The following TOPBP1 variants were observed in gnomAD, a reference collection of about 807,000 sequenced individuals.
The protein encoded by TOPBP1 is DNA topoisomerase 2-binding protein 1.
In TOPBP1, 28 loss-of-function variants were observed where a neutral mutation model predicts 167.7. That is an observed-to-expected ratio of 0.17 (90% CI 0.12 to 0.23). TOPBP1 has a LOEUF of 0.23. Among genes scored for constraint, TOPBP1 ranks in the 10% least tolerant of loss-of-function variants. TOPBP1 has a pLI of 1.00. For synonymous variants in TOPBP1, 598 were observed against 611.4 expected (o/e 0.98, Z 0.32); for missense variants, 1,554 against 1,809.6 (o/e 0.86, Z 2.56).
At chr3:133,632,095 G>A (rs145572478) in intron 14 of TOPBP1, among the ~76,000 whole-genome samples, 99 of 152,172 alleles carry the variant, frequency 6.5e-4, no homozygotes, top group African/African-American at 2.2e-3. Flanking sequence ...CTGTGGAACT[G>A]AGTCAATTAA....
chr3:133,656,216 T>C (rs1300767752), intron 5 of TOPBP1, among the ~76,000 whole-genome samples: 1 of 151,988 alleles, frequency 6.6e-6, no homozygotes, highest in South Asian at 2.1e-4. Context: ...TGGGCTCAAT[T>C]AGCATTTATT....
chr3:133,603,871 T>C (rs111961632), intron 27 of TOPBP1, among the ~76,000 whole-genome samples: 2 of 151,908 alleles, frequency 1.3e-5, no homozygotes, highest in Non-Finnish European at 2.9e-5. Context: ...ACCCAACAGC[T>C]GCAGAATATA....
intron 23 of TOPBP1, 74 bp from the exon 24 acceptor site, chr3:133,612,626 G>T (rs991069292): frequency 4.9e-5 from 66 of 1,338,478 alleles, no homozygotes; most frequent in Non-Finnish European, 6.0e-5. Context: ...TCTCAACTAC[G>T]CATAGAAATT....
chr3:133,649,651 A>G lies in TOPBP1; in HGVS notation c.1254-18T>C, dbSNP rs1936214678. 6.2e-7 allele frequency: 1 copy of G among 1,611,714 alleles called. No individual in the cohort carries two copies. On this transcript the variant is annotated intron_variant, in intron 9 of 27. Coordinates refer to ENST00000260810, the MANE Select transcript of TOPBP1 (RefSeq NM_007027.4). The stretch of plus-strand genomic sequence containing the variant: ...CATGAGGCCTACAAAAATAGCACAT[A>G]GTTATGTATTAGTGCAAGCTATAAA...
intron 10 of TOPBP1, among the ~76,000 whole-genome samples, chr3:133,647,415 T>C (rs1271368094): frequency 1.3e-5 from 2 of 152,184 alleles, no homozygotes; most frequent in Non-Finnish European, 2.9e-5. Context: ...TTAGAATTCC[T>C]AGAGTCCTAG....
chr3:133,626,264 T>A (rs569094566), intron 16 of TOPBP1, among the ~76,000 whole-genome samples: 73 of 152,290 alleles, frequency 4.8e-4, no homozygotes, highest in African/African-American at 1.7e-3. Flanking sequence ...TTGGTCTAGA[T>A]CAGCGGTTTC....
intron 8 of TOPBP1, among the ~76,000 whole-genome samples, chr3:133,651,316 A>C (rs1936295241): frequency 6.6e-6 from 1 of 151,266 alleles, no homozygotes; most frequent in Non-Finnish European, 1.5e-5. Flanking sequence ...CCTCCCAAGC[A>C]GCTGGGATTA....
intron 16 of TOPBP1, 143 bp from the exon 17 acceptor site, chr3:133,624,318 C>T (rs1935197637): frequency 8.4e-6 from 8 of 950,024 alleles, no homozygotes; most frequent in Non-Finnish European, 1.2e-5. Flanking sequence ...AAATGACAGG[C>T]TCAAGCCAAG....
intron 19 of TOPBP1, among the ~76,000 whole-genome samples, chr3:133,621,533 A>C (rs1206297562): frequency 6.6e-6 from 1 of 152,242 alleles, no homozygotes; most frequent in African/African-American, 2.4e-5. Flanking sequence ...GAGATGATTT[A>C]AAGTATACAG....
chr3:133,658,700 A>T (rs889269976), intron 3 of TOPBP1, among the ~76,000 whole-genome samples: 1 of 152,026 alleles, frequency 6.6e-6, no homozygotes, highest in Non-Finnish European at 1.5e-5. Flanking sequence ...CCAGCTACTC[A>T]GGAGGCTAAG....
At chr3:133,633,583 G>A (rs1935564773) in intron 14 of TOPBP1, among the ~76,000 whole-genome samples, 1 of 152,096 alleles carries the variant, frequency 6.6e-6, no homozygotes, top group Admixed American at 6.6e-5. Flanking sequence ...TCAAGTCCAG[G>A]AATTTAAGGC....
At chr3:133,604,837 T>A (rs1444779645) in intron 27 of TOPBP1, among the ~76,000 whole-genome samples, 1 of 151,922 alleles carries the variant, frequency 6.6e-6, no homozygotes, top group Admixed American at 6.6e-5. Context: ...GAGAATCACT[T>A]GAACCTAGGA....
intron 23 of TOPBP1, among the ~76,000 whole-genome samples, chr3:133,613,636 AC>A (rs1934757068): frequency 6.6e-6 from 1 of 152,112 alleles, no homozygotes; most frequent in Non-Finnish European, 1.5e-5. Flanking sequence ...CAATAATTGA[AC>A]CTCTTCTCAG....
At chr3:133,632,400 C>A (rs982840288) in intron 14 of TOPBP1, among the ~76,000 whole-genome samples, 2 of 151,930 alleles carry the variant, frequency 1.3e-5, no homozygotes, top group Non-Finnish European at 2.9e-5. Flanking sequence ...AGCAAGACTC[C>A]ATCTCAAAAT....
At chr3:133,615,791 T>C (rs1010512639) in intron 23 of TOPBP1, among the ~76,000 whole-genome samples, 1 of 148,276 alleles carries the variant, frequency 6.7e-6, no homozygotes, top group African/African-American at 2.5e-5. Context: ...TTTTTATTTT[T>C]GAGATGGGGT....
At chr3:133,656,573 A>T in intron 5 of TOPBP1, 103 bp downstream of exon 5, 1 of 1,134,608 alleles carries the variant, frequency 8.8e-7, no homozygotes, top group Non-Finnish European at 1.2e-6. Flanking sequence ...TAATGACACT[A>T]TTTTTTTCCC....
In TOPBP1 at chr3:133,641,629, C is replaced by T. The variant is rs374259141; in HGVS notation, c.2022-1459G>A. ...ACGGCCTCTCAAAGTGCTAGGATTA[C>T]AGGCATGAACCACCAGACCTGGCCA... On this transcript the variant is annotated intron_variant, in intron 12 of 27. Transcript: ENST00000260810. Among the ~76,000 whole-genome samples the T allele has an allele frequency of 4.6e-5, 7 of 152,300 alleles. 1 individual carries two copies. Among genetic ancestry groups the T allele is most frequent in the African/African-American group, 1.7e-4 (7 of 41,558 alleles).
intron 20 of TOPBP1, among the ~76,000 whole-genome samples, chr3:133,619,845 G>A (rs1324460167): frequency 2.0e-5 from 3 of 152,098 alleles, no homozygotes; most frequent in Non-Finnish European, 4.4e-5. Flanking sequence ...CTCCACCTCC[G>A]AGTAAGAAAT....
chr3:133,623,864 G>C (rs1935180259), intron 17 of TOPBP1, among the ~76,000 whole-genome samples, 188 bp downstream of exon 17: 1 of 152,186 alleles, frequency 6.6e-6, no homozygotes, highest in African/African-American at 2.4e-5. Flanking sequence ...TTAAAGATTT[G>C]TTAAGTATTT....
Sources: gnomAD v4.1 joint callset for allele counts (sites outside exome capture counted in the v4.1 genomes callset) on GRCh38, gnomAD v4.1.1 for gene constraint, MANE v1.5 for transcripts, NCBI Gene and HGNC (gene_info 2026-07-23, HGNC 2026-07-21) for gene names.